SASH1: variants seen among roughly 807,000 people sequenced by gnomAD.
The protein encoded by SASH1 is SAM and SH3 domain-containing protein 1.
In SASH1, 44 loss-of-function variants were observed where a neutral mutation model predicts 125.2. The observed-to-expected ratio is 0.35, with a 90% CI of 0.28 to 0.45. The LOEUF is 0.45. Among genes scored for constraint, SASH1 ranks in the 20% least tolerant of loss-of-function variants. The probability of loss-of-function intolerance (pLI) is 1.00; values close to 1 mark genes in which losing one functional copy is unlikely to be tolerated. For synonymous variants in SASH1, 639 were observed against 649.1 expected, an observed-to-expected ratio of 0.98 and a Z score of 0.24; for missense variants, 1,426 against 1,614.5, an observed-to-expected ratio of 0.88 and a Z score of 2.00.
At chr6:148,320,162 T>C (rs1276628619) in intron 1 of SASH1, among the ~76,000 whole-genome samples, 1 of 152,228 alleles carries the variant, frequency 6.6e-6, no homozygotes, top group African/African-American at 2.4e-5. Context: ...ATAATATCTA[T>C]AGGGTTCAGC....
At chr6:148,382,852 C>G (rs941632760) in intron 1 of SASH1, among the ~76,000 whole-genome samples, 2 of 152,190 alleles carry the variant, frequency 1.3e-5, no homozygotes, top group African/African-American at 4.8e-5. Flanking sequence ...TGAAATAAGC[C>G]TCACTCCAGC....
At chr6:148,372,221 G>A (rs554219996) in intron 1 of SASH1, among the ~76,000 whole-genome samples, 41 of 152,198 alleles carry the variant, frequency 2.7e-4, no homozygotes, top group African/African-American at 9.4e-4. Flanking sequence ...TCTTTATAAG[G>A]CTTGTTTATG....
chr6:148,306,556 G>A (rs1434334823), intron 1 of SASH1, among the ~76,000 whole-genome samples: 4 of 152,192 alleles, frequency 2.6e-5, no homozygotes, highest in African/African-American at 9.7e-5. Context: ...AGTTTCTCCA[G>A]GGAGTCTTCA....
Position 148,495,749 on chromosome 6 carries a change from G to A in SASH1, c.729+8034G>A, listed in dbSNP as rs987914049. 3.9e-5 allele frequency among the ~76,000 whole-genome samples: 6 copies of A among 152,238 alleles called. No individual in the cohort carries two copies. The highest frequency in any genetic ancestry group is 7.3e-5 in the Non-Finnish European group (5 of 68,048). The stretch of plus-strand genomic sequence containing the variant: ...AATTATGTGAAGAGTGACACATACT[G>A]TAGTACTTCAGTCGGCGTTGTAGGT... On this transcript the variant is annotated intron_variant, in intron 8 of 19. Transcript: ENST00000367467. This position sits in a 1 kb window ranked among gnomAD's most constrained non-coding sequence, Gnocchi z 4.0.
At chr6:148,222,890 G>A in the SASH1 span, among the ~76,000 whole-genome samples, 12 of 151,912 alleles carry the variant, frequency 7.9e-5, no homozygotes, top group African/African-American at 2.9e-4. Flanking sequence ...CAGGGCTGGG[G>A]GCTTCTGTTT....
In SASH1 at chr6:148,540,435, T is replaced by G; in HGVS notation, c.2096-8T>G. ...CTTGTTGATTTCATGCCGTGTTCTC[T>G]CCTCTAGGTAACAGCGACCAGTCAG... is the stretch of plus-strand genomic sequence containing the variant. On this transcript the variant is annotated splice_region_variant and splice_polypyrimidine_tract_variant and intron_variant, in intron 16 of 19. Transcript: ENST00000367467. 1 of 1,611,310 alleles carries G rather than the reference T, an allele frequency of 6.2e-7. No individual in the cohort carries two copies. The highest frequency in any genetic ancestry group is 8.5e-7 in the Non-Finnish European group (1 of 1,177,722).
chr6:148,260,828 G>T, the SASH1 span, among the ~76,000 whole-genome samples: 2 of 136,314 alleles, frequency 1.5e-5, no homozygotes, highest in African/African-American at 5.6e-5. Context: ...TTGAGAGAGG[G>T]TCTTGCTCTG....
chr6:148,364,173 A>C (rs192195912), intron 1 of SASH1, among the ~76,000 whole-genome samples: 1 of 152,356 alleles, frequency 6.6e-6, no homozygotes, highest in East Asian at 1.9e-4. Flanking sequence ...GACTCATGCC[A>C]AAACCTCCAT....
At chr6:148,540,256 C>T (rs554519748) in intron 16 of SASH1, among the ~76,000 whole-genome samples, 187 bp from the exon 17 acceptor site, 10 of 152,242 alleles carry the variant, frequency 6.6e-5, no homozygotes, top group Admixed American at 3.3e-4. Context: ...TATCTTCGTG[C>T]GATGAATACC....
chr6:148,485,509 G>GT (rs1778801946), intron 7 of SASH1, among the ~76,000 whole-genome samples: 1 of 152,176 alleles, frequency 6.6e-6, no homozygotes, highest in Non-Finnish European at 1.5e-5. Flanking sequence ...TGTGCTGAGA[G>GT]TTTTGCTGCA....
At chr6:148,344,784 C>T (rs373326458) in intron 1 of SASH1, among the ~76,000 whole-genome samples, 55 of 144,334 alleles carry the variant, frequency 3.8e-4, no homozygotes, top group African/African-American at 1.1e-3. Flanking sequence ...GAGACGAAGT[C>T]TTGCTCCGTC....
chr6:148,502,487 C>T (rs1217236971), intron 8 of SASH1, among the ~76,000 whole-genome samples: 2 of 152,162 alleles, frequency 1.3e-5, no homozygotes, highest in Non-Finnish European at 2.9e-5. Flanking sequence ...AAGAATAACA[C>T]ATTAACCTGA....
the SASH1 span, among the ~76,000 whole-genome samples, chr6:148,252,151 G>A: frequency 4.1e-3 from 619 of 152,088 alleles, 6 homozygotes; most frequent in Non-Finnish European, 6.6e-3. Flanking sequence ...AACGTATGTG[G>A]CCTCTCGAAA....
chr6:148,439,312 G>T (rs905468187), intron 2 of SASH1, among the ~76,000 whole-genome samples: 3 of 152,120 alleles, frequency 2.0e-5, no homozygotes, highest in African/African-American at 7.2e-5. Context: ...TTATCAACTC[G>T]ATACCGCGCG....
chr6:148,487,092 T>TACACACAC lies in SASH1; in HGVS notation c.628-508_628-501dup, dbSNP rs1186673454. Among the ~76,000 whole-genome samples, 335 of 118,716 alleles carry TACACACAC rather than the reference T, an allele frequency of 2.8e-3. 8 individuals carry two copies. Among genetic ancestry groups the TACACACAC allele is most frequent in the African/African-American group, 9.3e-3 (294 of 31,618 alleles). The allele number at this position is 118,716 out of a possible 152,430, so 77.9% of individuals were successfully genotyped here. On this transcript the variant is annotated intron_variant, in intron 7 of 19. Transcript: ENST00000367467. Reference sequence around the variant, plus strand: ...AATATATATATATAACACATATATATACACACACACACACACACACATATA... The same window carrying TACACACAC: ...AATATATATATATAACACATATATATACACACACACACACACACACACACACACATATA...
chr6:148,371,248 C>G (rs1418471533), intron 1 of SASH1, among the ~76,000 whole-genome samples: 1 of 151,664 alleles, frequency 6.6e-6, no homozygotes, highest in Non-Finnish European at 1.5e-5. Flanking sequence ...TGGGCATTTT[C>G]TGAATTATAT....
intron 12 of SASH1, among the ~76,000 whole-genome samples, chr6:148,528,250 A>AAGAT (rs1157686692): frequency 6.6e-6 from 1 of 152,094 alleles, no homozygotes; most frequent in Non-Finnish European, 1.5e-5. Flanking sequence ...GGAGGGAGTA[A>AAGAT]AGATAGTTGG....
the SASH1 span, among the ~76,000 whole-genome samples, chr6:148,205,882 C>T: frequency 6.6e-6 from 1 of 152,318 alleles, no homozygotes; most frequent in East Asian, 1.9e-4. Context: ...CCAGCATCTC[C>T]ACCCCTACCC....
At chr6:148,226,395 A>T in the SASH1 span, among the ~76,000 whole-genome samples, 4 of 152,184 alleles carry the variant, frequency 2.6e-5, no homozygotes, top group Non-Finnish European at 4.4e-5. Context: ...TCATAAATGG[A>T]GTGGGGAGGT....
Sources: allele counts gnomAD v4.1 joint callset (sites outside exome capture counted in the v4.1 genomes callset), GRCh38; gene constraint gnomAD v4.1.1; non-coding constraint Gnocchi (gnomAD v3.1); transcripts MANE v1.5; gene names NCBI Gene and HGNC (gene_info 2026-07-23, HGNC 2026-07-21).